The following ITSN1 variants were observed in gnomAD, a reference collection of about 807,000 sequenced individuals.
The protein encoded by ITSN1 is intersectin 1, also known as intersectin-1.
A neutral mutation model predicts 239.8 loss-of-function variants in ITSN1; 58 were observed. The observed-to-expected ratio is 0.24, with a 90% CI of 0.20 to 0.30. The LOEUF is 0.30. ITSN1 is among the 10% of genes least tolerant of loss of function. The pLI, the probability that ITSN1 is intolerant of heterozygous loss-of-function variation, is 1.00. For missense variants in ITSN1, 1,558 were observed against 2,103.3 expected (o/e 0.74, Z 5.07); for synonymous variants, 780 against 770.8 (o/e 1.01, Z -0.20).
At chr21:33,829,369 G>T (rs1462115748) in intron 26 of ITSN1, 3 of 461,828 alleles carry the variant, frequency 6.5e-6, no homozygotes, top group African/African-American at 5.9e-5. Context: ...AAGTTGGTAA[G>T]TAAGTTTCAC....
intron 33 of ITSN1, among the ~76,000 whole-genome samples, chr21:33,872,330 A>G (rs1014852376): frequency 6.6e-6 from 1 of 152,226 alleles, no homozygotes; most frequent in Non-Finnish European, 1.5e-5. Context: ...ATGGGAAGGT[A>G]ACTATTTAGA....
intron 1 of ITSN1, among the ~76,000 whole-genome samples, chr21:33,669,730 C>T (rs371008273): frequency 2.9e-4 from 44 of 152,214 alleles, no homozygotes; most frequent in East Asian, 1.2e-3. Flanking sequence ...CGTGAGCCAC[C>T]GCTCTCGGCC....
intron 5 of ITSN1, among the ~76,000 whole-genome samples, chr21:33,746,251 A>C (rs193249818): frequency 6.8e-4 from 104 of 152,338 alleles, no homozygotes; most frequent in African/African-American, 2.4e-3. Flanking sequence ...GAGCCAGAGT[A>C]GCTACAATGT....
At chr21:33,763,979 A>C (rs1385081439) in intron 9 of ITSN1, among the ~76,000 whole-genome samples, 1 of 152,208 alleles carries the variant, frequency 6.6e-6, no homozygotes, top group Non-Finnish European at 1.5e-5. Context: ...TTTGTATGAA[A>C]GAGCTTGCCT....
At chr21:33,743,435 C>T (rs954246803) in intron 5 of ITSN1, among the ~76,000 whole-genome samples, 2 of 152,184 alleles carry the variant, frequency 1.3e-5, no homozygotes, top group Non-Finnish European at 1.5e-5. Context: ...CACTGCACTC[C>T]AGCCTCGGGG....
At chr21:33,708,612 C>T (rs945315562) in intron 1 of ITSN1, among the ~76,000 whole-genome samples, 3 of 152,144 alleles carry the variant, frequency 2.0e-5, no homozygotes, top group Admixed American at 6.5e-5. Flanking sequence ...TCTGGAACTC[C>T]GGACCTCAGG....
intron 25 of ITSN1, 52 bp downstream of exon 25, chr21:33,823,705 G>A (rs2073818547): frequency 6.5e-7 from 1 of 1,535,814 alleles, no homozygotes; most frequent in South Asian, 1.2e-5. Context: ...GATTCTCTTT[G>A]TGGGGAGTCA....
At chr21:33,782,739 T>A (rs906923295) in intron 16 of ITSN1, among the ~76,000 whole-genome samples, 2 of 152,076 alleles carry the variant, frequency 1.3e-5, no homozygotes, top group Non-Finnish European at 2.9e-5. Flanking sequence ...AGAATGTTAA[T>A]TCTTGGCCGG....
intron 20 of ITSN1, among the ~76,000 whole-genome samples, chr21:33,803,879 C>T (rs2072204466): frequency 6.6e-6 from 1 of 152,126 alleles, no homozygotes; most frequent in South Asian, 2.1e-4. Flanking sequence ...CGTTGGCTTG[C>T]AGAAGGGACA....
intron 1 of ITSN1, among the ~76,000 whole-genome samples, chr21:33,700,330 C>G (rs1292667028): frequency 6.6e-6 from 1 of 152,168 alleles, no homozygotes; most frequent in Non-Finnish European, 1.5e-5. Flanking sequence ...GGTGATCCAC[C>G]TGCCTCGGCT....
intron 27 of ITSN1, among the ~76,000 whole-genome samples, chr21:33,832,653 G>A (rs933893518): frequency 6.6e-6 from 1 of 152,032 alleles, no homozygotes; most frequent in Non-Finnish European, 1.5e-5. Flanking sequence ...ATACTCGGTA[G>A]ATAAACGTGG....
chr21:33,847,340 G>T (rs563049418), intron 29 of ITSN1, among the ~76,000 whole-genome samples: 27 of 152,266 alleles, frequency 1.8e-4, no homozygotes, highest in South Asian at 1.0e-3. Context: ...CCAGCCCTGC[G>T]CTCCAAGGAC....
intron 11 of ITSN1, among the ~76,000 whole-genome samples, chr21:33,769,470 C>G (rs970595486): frequency 6.6e-6 from 1 of 152,174 alleles, no homozygotes; most frequent in African/African-American, 2.4e-5. Flanking sequence ...ACTACCATAA[C>G]AAAATAGCAT....
intron 5 of ITSN1, among the ~76,000 whole-genome samples, chr21:33,740,623 G>A (rs1297167273): frequency 6.6e-6 from 1 of 152,192 alleles, no homozygotes; most frequent in East Asian, 1.9e-4. Flanking sequence ...TGGAAGAGGG[G>A]AGAGAATTTC....
chr21:33,725,471 A>G (rs1375702654), intron 4 of ITSN1, among the ~76,000 whole-genome samples: 1 of 152,096 alleles, frequency 6.6e-6, no homozygotes, highest in African/African-American at 2.4e-5. Context: ...ATTGTGGTGC[A>G]TGCCTGTAGT....
intron 4 of ITSN1, among the ~76,000 whole-genome samples, chr21:33,732,398 G>C (rs1014400078): frequency 1.3e-5 from 2 of 152,074 alleles, no homozygotes; most frequent in Non-Finnish European, 2.9e-5. Flanking sequence ...AATGCCCTTG[G>C]CTGAGATGAG....
At chr21:33,785,582 AC>A (rs1242663694) in intron 16 of ITSN1, among the ~76,000 whole-genome samples, 1 of 152,108 alleles carries the variant, frequency 6.6e-6, no homozygotes, top group Non-Finnish European at 1.5e-5. Context: ...TTCCTTCCCT[AC>A]CCAAAATCTG....
rs1234748307 is a variant in ITSN1 at position 33,851,753 on chromosome 21, TTTTTC to T, written c.3662-4964_3662-4960del. Among the ~76,000 whole-genome samples, 43 of 147,470 alleles carry T rather than the reference TTTTTC, an allele frequency of 2.9e-4. 1 individual carries two copies. The highest frequency in any genetic ancestry group is 8.0e-4 in the African/African-American group (32 of 40,072). On this transcript the variant is annotated intron_variant, in intron 29 of 39. Coordinates refer to ENST00000381318, the MANE Select transcript of ITSN1 (RefSeq NM_003024.3). ...AATTTCTTTTTTTTTTTTCTCGTTT[TTTTTC>T]TTTTCTTTTCTTTTCTTTCCTTTTT...
chr21:33,877,738 A>G (rs941861501), intron 34 of ITSN1, among the ~76,000 whole-genome samples: 7 of 152,134 alleles, frequency 4.6e-5, no homozygotes, highest in Admixed American at 2.6e-4. Context: ...CCTCAAAGCT[A>G]TAGTGGCACT....
Sources: allele counts gnomAD v4.1 joint callset (sites outside exome capture counted in the v4.1 genomes callset), GRCh38; gene constraint gnomAD v4.1.1; transcripts MANE v1.5; gene names NCBI Gene and HGNC (gene_info 2026-07-23, HGNC 2026-07-21).